RORA: variants seen among roughly 807,000 people sequenced by gnomAD.
RORA encodes nuclear receptor ROR-alpha.
Under a neutral mutation model 69.5 loss-of-function variants are expected in RORA, and 7 were observed. The observed-to-expected ratio is 0.10, with a 90% CI of 0.06 to 0.19. The LOEUF is 0.19. RORA is among the 10% of genes least tolerant of loss of function. The probability of loss-of-function intolerance (pLI) is 1.00; values close to 1 mark genes in which losing one functional copy is unlikely to be tolerated. For missense variants in RORA, 457 were observed against 663.0 expected (o/e 0.69, Z 3.41); for synonymous variants, 261 against 240.8 (o/e 1.08, Z -0.78).
intron 1 of RORA, among the ~76,000 whole-genome samples, chr15:60,801,275 C>G (rs896915396): frequency 6.6e-6 from 1 of 152,202 alleles, no homozygotes; most frequent in Admixed American, 6.5e-5. Flanking sequence ...TCCCCCTCCC[C>G]CCTCCTTCGA....
At chr15:61,209,296 A>G (rs1300925946) in intron 1 of RORA, among the ~76,000 whole-genome samples, 1 of 152,210 alleles carries the variant, frequency 6.6e-6, no homozygotes, top group Non-Finnish European at 1.5e-5. Flanking sequence ...CACACACTCT[A>G]ATTTAAAACA....
intron 1 of RORA, among the ~76,000 whole-genome samples, chr15:60,752,873 T>C (rs1020729): frequency 0.6 from 91,609 of 152,038 alleles, 27,943 homozygotes; most frequent in South Asian, 0.7. Flanking sequence ...CAGATTAGAT[T>C]CATTTTCCTG....
chr15:60,665,406 ACAAATGGTGTTCAAGAGG>A (rs1464914335), intron 2 of RORA, among the ~76,000 whole-genome samples: 1 of 152,238 alleles, frequency 6.6e-6, no homozygotes, highest in Non-Finnish European at 1.5e-5. Context: ...GATAATGCAA[ACAAATGGTGTTCAAGAGG>A]TCACTCAGAA....
chr15:60,787,030 A>G (rs2072344360), intron 1 of RORA, among the ~76,000 whole-genome samples: 1 of 152,244 alleles, frequency 6.6e-6, no homozygotes, highest in South Asian at 2.1e-4. Context: ...TAAGACTTTC[A>G]GTCTATAGCT....
At chr15:61,100,112 C>CTTTTTTTTTTTTTTTTTTTTTT (rs911036920) in intron 1 of RORA, among the ~76,000 whole-genome samples, 7 of 119,056 alleles carry the variant, frequency 5.9e-5, no homozygotes, top group Non-Finnish European at 8.6e-5. Context: ...GGTCAATTTT[C>CTTTTTTTTTTTTTTTTTTTTTT]TTTTTTTTTT....
chr15:60,822,156 G>A (rs2072901151), intron 1 of RORA, among the ~76,000 whole-genome samples: 1 of 152,112 alleles, frequency 6.6e-6, no homozygotes, highest in Non-Finnish European at 1.5e-5. Flanking sequence ...GAAAATTGGG[G>A]TTCAATTTCA....
At chr15:61,012,756 C>G (rs1895128702) in intron 1 of RORA, among the ~76,000 whole-genome samples, 2 of 152,056 alleles carry the variant, frequency 1.3e-5, no homozygotes, top group African/African-American at 4.8e-5. Context: ...CTCAAGCAAT[C>G]CTTCCACCTC....
chr15:60,553,406 A>G (rs2067275557), intron 2 of RORA, among the ~76,000 whole-genome samples: 1 of 152,194 alleles, frequency 6.6e-6, no homozygotes, highest in African/African-American at 2.4e-5. Flanking sequence ...CTAATATTAG[A>G]ATTGGTAAGC....
rs1331347663 is a variant in RORA at position 60,770,711 on chromosome 15, C to T, written c.167-92025G>A. Among the ~76,000 whole-genome samples the T allele has an allele frequency of 2.6e-5, 4 of 152,294 alleles. No individual in the cohort carries two copies. In the East Asian group the frequency reaches 7.7e-4, roughly 29 times the overall value. ...AATCATAGTGCACTGCAGCCTCAAA[C>T]TCCTGGGCACAAGAGATCCTCCTGC... On this transcript the variant is annotated intron_variant, in intron 1 of 10. Transcript: ENST00000335670.
intron 9 of RORA, among the ~76,000 whole-genome samples, chr15:60,500,231 G>T (rs2065288696): frequency 6.6e-6 from 1 of 152,086 alleles, no homozygotes; most frequent in Admixed American, 6.6e-5. Context: ...CTTAAAGGAA[G>T]GATCCTCCCC....
At chr15:60,963,284 A>G (rs1029946760) in intron 1 of RORA, among the ~76,000 whole-genome samples, 1 of 152,216 alleles carries the variant, frequency 6.6e-6, no homozygotes, top group African/African-American at 2.4e-5. Context: ...AGAAGTTAGA[A>G]TGTGCAGATG....
intron 1 of RORA, among the ~76,000 whole-genome samples, chr15:60,870,399 C>T (rs1258166846): frequency 1.3e-5 from 2 of 152,156 alleles, no homozygotes; most frequent in East Asian, 3.9e-4. Context: ...ATAATGTCTT[C>T]TGTTTACAGG....
At chr15:60,527,585 G>A (rs991918975) in intron 3 of RORA, among the ~76,000 whole-genome samples, 5 of 152,164 alleles carry the variant, frequency 3.3e-5, no homozygotes, top group African/African-American at 9.7e-5. Context: ...GCTCAGAAAT[G>A]TCTGTATGAA....
At chr15:60,943,692 G>GA (rs1282650248) in intron 1 of RORA, among the ~76,000 whole-genome samples, 1 of 151,792 alleles carries the variant, frequency 6.6e-6, no homozygotes, top group Non-Finnish European at 1.5e-5. Context: ...GAGGTGGGGG[G>GA]ATTGCCTGAG....
chr15:61,024,172 C>T (rs180863544), intron 1 of RORA, among the ~76,000 whole-genome samples: 1 of 150,466 alleles, frequency 6.6e-6, no homozygotes, highest in Non-Finnish European at 1.5e-5. Context: ...ACCAGCATAA[C>T]AGGGGAACAA....
chr15:60,693,486 A>T (rs1168411789), intron 1 of RORA, among the ~76,000 whole-genome samples: 1 of 152,234 alleles, frequency 6.6e-6, no homozygotes, highest in Non-Finnish European at 1.5e-5. Flanking sequence ...ATATTCTTTC[A>T]AATAGGAAGA....
rs1027594854 is a variant in RORA at position 60,489,120 on chromosome 15, A to G, written c.*8335T>C. 2.6e-5 allele frequency: 4 copies of G among 152,290 alleles called. No individual in the cohort carries two copies. Among genetic ancestry groups the G allele is most frequent in the African/African-American group, 4.8e-5 (2 of 41,576 alleles). 9.4% of individuals were successfully genotyped at this position (152,290 alleles called of 1,614,324 possible). Reference sequence around the variant, plus strand: ...ATCGTGCTTTAAAAAAAAGGTTTCAATCTCTTTCCAAGAGAGGCAGTTAAG... The same window carrying G: ...ATCGTGCTTTAAAAAAAAGGTTTCAGTCTCTTTCCAAGAGAGGCAGTTAAG... On this transcript the variant is annotated 3_prime_UTR_variant, in exon 11 of 11. Coordinates refer to ENST00000335670, the MANE Select transcript of RORA (RefSeq NM_134261.3).
At chr15:60,941,740 T>C (rs1288007319) in intron 1 of RORA, among the ~76,000 whole-genome samples, 2 of 152,252 alleles carry the variant, frequency 1.3e-5, no homozygotes, top group African/African-American at 4.8e-5. Context: ...TCATTCCACA[T>C]GTTAGCATTA....
At chr15:61,193,874 C>T (rs939842087) in intron 1 of RORA, among the ~76,000 whole-genome samples, 4 of 152,138 alleles carry the variant, frequency 2.6e-5, no homozygotes, top group African/African-American at 9.7e-5. Context: ...CTAACCTTAG[C>T]GGATGGCTCC....
Sources: gnomAD v4.1 joint callset for allele counts (sites outside exome capture counted in the v4.1 genomes callset) on GRCh38, gnomAD v4.1.1 for gene constraint, MANE v1.5 for transcripts, NCBI Gene and HGNC (gene_info 2026-07-23, HGNC 2026-07-21) for gene names.